The following ZBTB16 variants were observed in gnomAD, a reference collection of about 807,000 sequenced individuals.
ZBTB16 encodes zinc finger and BTB domain containing 16.
ZBTB16 carries 8 observed loss-of-function variants against 56.8 expected under a neutral mutation model. The ratio of observed to expected loss-of-function variants is 0.14; its 90% CI spans 0.08 to 0.25. ZBTB16 has a LOEUF of 0.25. Ranked by LOEUF, ZBTB16 falls within the 10% of genes least tolerant of loss-of-function variation. The pLI is 1.00. For missense variants in ZBTB16, 625 were observed against 903.0 expected, an observed-to-expected ratio of 0.69 and a Z score of 3.95; for synonymous variants, 363 against 368.5, an observed-to-expected ratio of 0.98 and a Z score of 0.17.
intron 2 of ZBTB16, among the ~76,000 whole-genome samples, chr11:114,105,091 A>G (rs1228345650): frequency 2.0e-5 from 3 of 152,350 alleles, no homozygotes; most frequent in East Asian, 3.9e-4. Flanking sequence ...TTAGGTAGAC[A>G]TAGTGGTACA....
chr11:114,125,403 C>T (rs1181115090), intron 2 of ZBTB16, among the ~76,000 whole-genome samples: 1 of 152,126 alleles, frequency 6.6e-6, no homozygotes, highest in Non-Finnish European at 1.5e-5. Flanking sequence ...AGGTAGGAGA[C>T]AGGTGGTATT....
At chr11:114,120,365 G>A (rs150866897) in intron 2 of ZBTB16, among the ~76,000 whole-genome samples, 188 of 152,288 alleles carry the variant, frequency 1.2e-3, no homozygotes, top group African/African-American at 4.0e-3. Flanking sequence ...GACCGCCTTA[G>A]CGAGTTTTCC....
intron 2 of ZBTB16, among the ~76,000 whole-genome samples, chr11:114,108,358 A>G (rs1032864174): frequency 2.0e-5 from 3 of 152,200 alleles, no homozygotes; most frequent in African/African-American, 7.2e-5. Context: ...TTTCCTTTCT[A>G]AAAGGCTCAG....
intron 4 of ZBTB16, among the ~76,000 whole-genome samples, chr11:114,195,554 G>T (rs912617117): frequency 2.0e-5 from 3 of 152,160 alleles, no homozygotes; most frequent in Non-Finnish European, 4.4e-5. Flanking sequence ...AGTGGTGCAG[G>T]TTTGTCATGC....
chr11:114,237,502 G>A (rs1944616346), intron 4 of ZBTB16, among the ~76,000 whole-genome samples: 1 of 152,220 alleles, frequency 6.6e-6, no homozygotes, highest in African/African-American at 2.4e-5. Context: ...CGGAACCCAG[G>A]CGTTGAAGGG....
At chr11:114,212,713 G>A (rs12286105) in intron 4 of ZBTB16, among the ~76,000 whole-genome samples, 7,427 of 152,106 alleles carry the variant, frequency 0.049, 603 homozygotes, top group African/African-American at 0.17. Context: ...CTTTGCTGTC[G>A]TTCAGTCCTG....
intron 2 of ZBTB16, among the ~76,000 whole-genome samples, chr11:114,104,540 G>A (rs182502166): frequency 3.2e-4 from 49 of 152,276 alleles, no homozygotes; most frequent in African/African-American, 1.2e-3. Context: ...GGGAAGAGTG[G>A]ATTGGTGTTG....
Position 114,073,350 on chromosome 11 carries a change from G to T in ZBTB16, c.1268+8782G>T, listed in dbSNP as rs185702660. Among the ~76,000 whole-genome samples, 1,385 of 152,240 alleles carry T rather than the reference G, an allele frequency of 9.1e-3. 16 individuals are homozygous for T. Among genetic ancestry groups the T allele is most frequent in the African/African-American group, 0.031 (1,278 of 41,536 alleles). On this transcript the variant is annotated intron_variant, in intron 2 of 6. Coordinates refer to ENST00000335953, the MANE Select transcript of ZBTB16 (RefSeq NM_006006.6). ...GAAAAACAGAAAAAGAGAGAAAAAA[G>T]AAACCCATTTACAAAAATAAAAATC... is the stretch of plus-strand genomic sequence containing the variant.
chr11:114,132,010 AG>A (rs1335947421), intron 2 of ZBTB16, among the ~76,000 whole-genome samples: 2 of 152,142 alleles, frequency 1.3e-5, no homozygotes, highest in Non-Finnish European at 2.9e-5. Flanking sequence ...TGTGTGTGAA[AG>A]GGGGAGCGGC....
At chr11:114,242,472 GC>G in intron 5 of ZBTB16, 135 bp downstream of exon 5, 2 of 1,281,888 alleles carry the variant, frequency 1.6e-6, no homozygotes, top group Non-Finnish European at 2.2e-6. Flanking sequence ...ACGTGCAGAG[GC>G]TGCCCGTCGT....
chr11:114,234,162 T>A (rs1319764973), intron 4 of ZBTB16, among the ~76,000 whole-genome samples: 1 of 152,198 alleles, frequency 6.6e-6, no homozygotes, highest in Non-Finnish European at 1.5e-5. Flanking sequence ...ATGCCTTCCA[T>A]GATTCTACGC....
chr11:114,136,836 T>G (rs1425252716), intron 2 of ZBTB16, among the ~76,000 whole-genome samples: 2 of 152,184 alleles, frequency 1.3e-5, no homozygotes, highest in Non-Finnish European at 2.9e-5. Flanking sequence ...GGGCATTAGC[T>G]CCCTTGTAGG....
chr11:114,210,192 T>TGTGCAC (rs773801156), intron 4 of ZBTB16, among the ~76,000 whole-genome samples: 4 of 143,238 alleles, frequency 2.8e-5, no homozygotes, highest in African/African-American at 1.0e-4. Flanking sequence ...TGTGTGTGTG[T>TGTGCAC]GCGTGCGCGC....
chr11:114,148,996 A>G (rs192381058), intron 2 of ZBTB16, among the ~76,000 whole-genome samples: 1 of 152,214 alleles, frequency 6.6e-6, no homozygotes, highest in Admixed American at 6.5e-5. Flanking sequence ...TTCAGTCAAC[A>G]AAAATGAGCC....
chr11:114,062,557 C>T (rs1938925712), intron 1 of ZBTB16, among the ~76,000 whole-genome samples: 1 of 152,218 alleles, frequency 6.6e-6, no homozygotes, highest in Admixed American at 6.5e-5. Context: ...GGGATGGGGA[C>T]AGGCCTTGGG....
intron 2 of ZBTB16, among the ~76,000 whole-genome samples, chr11:114,144,032 CA>C (rs1942032357): frequency 6.6e-6 from 1 of 152,148 alleles, no homozygotes; most frequent in Admixed American, 6.5e-5. Flanking sequence ...TGAGGCCCAG[CA>C]GGGAAGAGGA....
At chr11:114,157,286 G>C (rs188574977) in intron 3 of ZBTB16, among the ~76,000 whole-genome samples, 35 of 152,320 alleles carry the variant, frequency 2.3e-4, no homozygotes, top group Admixed American at 2.2e-3. Flanking sequence ...GGGTCAGGCA[G>C]AGAAAGGTTC....
intron 3 of ZBTB16, 128 bp from the exon 4 acceptor site, chr11:114,186,824 C>G (rs940377374): frequency 1.2e-6 from 1 of 833,154 alleles, no homozygotes; most frequent in African/African-American, 1.7e-5. Flanking sequence ...ATGGATGATC[C>G]CTCACTCAGG....
At chr11:114,153,289 A>T (rs928075398) in intron 2 of ZBTB16, among the ~76,000 whole-genome samples, 3 of 152,146 alleles carry the variant, frequency 2.0e-5, no homozygotes, top group Non-Finnish European at 4.4e-5. Flanking sequence ...CTTTTTCTCT[A>T]ATGAACTTTA....
Sources: allele counts gnomAD v4.1 joint callset (sites outside exome capture counted in the v4.1 genomes callset), GRCh38; gene constraint gnomAD v4.1.1; transcripts MANE v1.5; gene names NCBI Gene and HGNC (gene_info 2026-07-23, HGNC 2026-07-21).